GSAP: variants seen among roughly 807,000 people sequenced by gnomAD.
The protein encoded by GSAP is gamma-secretase activating protein.
In GSAP, 118 loss-of-function variants were observed where a neutral mutation model predicts 131.7. The ratio of observed to expected loss-of-function variants is 0.90; its 90% CI spans 0.77 to 1.04. The LOEUF (loss-of-function observed/expected upper bound fraction) is 1.04. Ranked by LOEUF, GSAP falls within the 50% of genes least tolerant of loss-of-function variation. The pLI is 0.00. For synonymous variants in GSAP, 381 were observed against 363.4 expected, an observed-to-expected ratio of 1.05 and a Z score of -0.55; for missense variants, 1,019 against 1,013.2, an observed-to-expected ratio of 1.01 and a Z score of -0.08.
intron 19 of GSAP, chr7:77,330,591 T>TTG (rs1554381547): frequency 0.053 from 55,132 of 1,044,866 alleles, 475 homozygotes; most frequent in Non-Finnish European, 0.056. Context: ...TTTTTTTTTT[T>TTG]TTGTCGTTGT....
In GSAP at chr7:77,368,134, C is replaced by T. The variant is rs572846451; in HGVS notation, c.872-5474G>A. Among the ~76,000 whole-genome samples, 4 of 152,256 alleles carry T rather than the reference C, an allele frequency of 2.6e-5. No homozygotes were observed. The East Asian group carries it at 7.7e-4, about 29-fold the overall frequency. ...GGGTTCCTGGAGTTGTACATTTACTCACCACTTCCCTGGGTGGTGGAAGTT... is the reference window on the plus strand; with the variant it reads ...GGGTTCCTGGAGTTGTACATTTACTTACCACTTCCCTGGGTGGTGGAAGTT... On this transcript the variant is annotated intron_variant, in intron 12 of 30. Transcript: ENST00000257626.
intron 18 of GSAP, among the ~76,000 whole-genome samples, chr7:77,352,547 G>C (rs1226844911): frequency 6.6e-6 from 1 of 152,182 alleles, no homozygotes; most frequent in East Asian, 1.9e-4. Context: ...TTTTAATGGG[G>C]CTGGAAAAAG....
chr7:77,387,545 T>C, intron 5 of GSAP, 97 bp from the exon 6 acceptor site: 1 of 703,750 alleles, frequency 1.4e-6, no homozygotes. Context: ...TAAATCCTAC[T>C]ACAGTGACTA....
At chr7:77,387,491 C>T in intron 5 of GSAP, 43 bp from the exon 6 acceptor site, 2 of 1,021,492 alleles carry the variant, frequency 2.0e-6, no homozygotes, top group Admixed American at 3.5e-5. Flanking sequence ...ATTGTAATAT[C>T]ACACATTATT....
intron 5 of GSAP, among the ~76,000 whole-genome samples, chr7:77,395,016 G>A (rs1262567297): frequency 6.6e-6 from 1 of 152,190 alleles, no homozygotes; most frequent in Admixed American, 6.5e-5. Context: ...CACTATAAGT[G>A]CATCAAACTT....
chr7:77,391,388 C>T (rs1799515807), intron 5 of GSAP, among the ~76,000 whole-genome samples: 1 of 152,024 alleles, frequency 6.6e-6, no homozygotes, highest in South Asian at 2.1e-4. Flanking sequence ...AATAACATAC[C>T]ATGTGCTTTC....
Position 77,353,019 on chromosome 7 carries a change from T to C in GSAP, c.1416A>G (p.Ser472=), listed in dbSNP as rs1430589481. ...TTGTCTCTGAATATACACTCCAGTA[T>C]GAAGAAGCTGAGTAGATTTTTTTTG... ...DLIQEFIIAS[S]YWSVYSETSN... The change falls in exon 18 of 31, where the codon TCA becomes TCG. Residue 472 remains serine (S), a synonymous_variant. Transcript: ENST00000257626. 2 of 1,590,406 alleles carry C rather than the reference T, an allele frequency of 1.3e-6. No homozygotes were observed. The highest frequency in any genetic ancestry group is 1.3e-5 in the African/African-American group (1 of 74,452).
At chr7:77,320,189 C>G (rs746843311) in intron 26 of GSAP, among the ~76,000 whole-genome samples, 1 of 152,136 alleles carries the variant, frequency 6.6e-6, no homozygotes, top group Admixed American at 6.6e-5. Flanking sequence ...AGCACGTTAC[C>G]GGTCATGTCA....
chr7:77,397,203 T>C, intron 4 of GSAP, 143 bp downstream of exon 4: 2 of 700,602 alleles, frequency 2.9e-6, no homozygotes, highest in South Asian at 3.9e-5. Context: ...ACATTCTTTA[T>C]TTCAAACTTA....
At chr7:77,347,355 T>G (rs987441045) in intron 19 of GSAP, among the ~76,000 whole-genome samples, 17 of 152,112 alleles carry the variant, frequency 1.1e-4, no homozygotes, top group Admixed American at 7.2e-4. Flanking sequence ...TGGAGGGTAG[T>G]CTTGGGGACT....
chr7:77,405,922 A>G (rs1442391146), intron 2 of GSAP, 107 bp downstream of exon 2: 8 of 397,992 alleles, frequency 2.0e-5, no homozygotes, highest in Middle Eastern at 1.7e-3. Flanking sequence ...AAGTTTATTC[A>G]TTACCCTTCA....
intron 13 of GSAP, 36 bp downstream of exon 13, chr7:77,362,544 GTTA>G (rs1372461843): frequency 9.1e-7 from 1 of 1,095,564 alleles, no homozygotes; most frequent in African/African-American, 1.6e-5. Context: ...TTTGGAAAAA[GTTA>G]TTATGTAAAA....
intron 19 of GSAP, among the ~76,000 whole-genome samples, chr7:77,336,939 A>G (rs1790068955): frequency 6.6e-6 from 1 of 152,202 alleles, no homozygotes; most frequent in South Asian, 2.1e-4. Flanking sequence ...GGAAATCAGT[A>G]TTTCCCACAT....
chr7:77,331,520 G>A (rs1356805835), intron 19 of GSAP, among the ~76,000 whole-genome samples: 1 of 152,060 alleles, frequency 6.6e-6, no homozygotes, highest in Non-Finnish European at 1.5e-5. Context: ...AGAAAAATAA[G>A]AAAACTTAAA....
intron 19 of GSAP, among the ~76,000 whole-genome samples, chr7:77,337,655 T>C (rs1181705312): frequency 6.6e-6 from 1 of 152,110 alleles, no homozygotes; most frequent in African/African-American, 2.4e-5. Context: ...TCCTTCCCAG[T>C]CTCTGAGTCA....
In GSAP at chr7:77,321,400, C is replaced by A. The variant is rs753019349; in HGVS notation, c.1927G>T (p.Asp643Tyr). The A allele has an allele frequency of 2.5e-6, 4 of 1,599,484 alleles. No homozygotes were observed. The South Asian group carries it at 4.4e-5, about 18-fold the overall frequency. The change falls in exon 25 of 31, where the codon GAT (aspartate) becomes TAT (tyrosine). Residue 643 changes from aspartate to tyrosine, a missense_variant. Coordinates refer to ENST00000257626, the MANE Select transcript of GSAP (RefSeq NM_017439.4). ...GTTTCTACGATGTGGCAAATGAGAT[C>A]CAGCTGGAGGGTGAAGACAGTCCAT... is the stretch of plus-strand genomic sequence containing the variant. Reference protein sequence around the residue: ...MVLDYISKLLDLICHIVETNW... With the variant: ...MVLDYISKLLYLICHIVETNW...
intron 12 of GSAP, among the ~76,000 whole-genome samples, chr7:77,363,525 C>A (rs181105831): frequency 9.2e-5 from 14 of 152,294 alleles, no homozygotes; most frequent in Non-Finnish European, 1.9e-4. Context: ...TGAATTCAAT[C>A]GCTACTCTAC....
chr7:77,396,593 C>A (rs1228139652), intron 5 of GSAP, among the ~76,000 whole-genome samples: 1 of 152,114 alleles, frequency 6.6e-6, no homozygotes, highest in Non-Finnish European at 1.5e-5. Flanking sequence ...CAGAATTAAT[C>A]TTTAGTATTG....
intron 19 of GSAP, among the ~76,000 whole-genome samples, chr7:77,346,871 A>AGC (rs1362785377): frequency 3.3e-5 from 3 of 92,160 alleles, no homozygotes; most frequent in Non-Finnish European, 5.9e-5. Context: ...AGTCTCGGGA[A>AGC]ACTCTCTCTC....
Sources: allele counts gnomAD v4.1 joint callset (sites outside exome capture counted in the v4.1 genomes callset), GRCh38; gene constraint gnomAD v4.1.1; transcripts MANE v1.5; gene names NCBI Gene and HGNC (gene_info 2026-07-23, HGNC 2026-07-21).